Variants in ELMO3 observed in about 807,000 individuals in gnomAD.
ELMO3 encodes the protein engulfment and cell motility 3, also known as engulfment and cell motility protein 3.
In ELMO3, 81 loss-of-function variants were observed where a neutral mutation model predicts 89.0. That is an observed-to-expected ratio of 0.91 (90% CI 0.76 to 1.09). The LOEUF (loss-of-function observed/expected upper bound fraction) is 1.09, where lower values mean the gene tolerates loss of function less well. Among genes scored for constraint, ELMO3 ranks in the 50% least tolerant of loss-of-function variants. The probability of loss-of-function intolerance (pLI) is 0.00; values close to 1 mark genes in which losing one functional copy is unlikely to be tolerated. For missense variants in ELMO3, 959 were observed against 972.8 expected, an observed-to-expected ratio of 0.99 and a Z score of 0.19; for synonymous variants, 406 against 400.6, an observed-to-expected ratio of 1.01 and a Z score of -0.16.
Position 67,203,916 on chromosome 16 carries a change from A to G in ELMO3, c.*39A>G. The G allele has an allele frequency of 2.0e-6, 3 of 1,485,440 alleles. No homozygotes were observed. The highest frequency in any genetic ancestry group is 1.3e-5 in the South Asian group (1 of 76,506). The allele number at this position is 1,485,440 out of a possible 1,614,324, so 92.0% of individuals were successfully genotyped here. On this transcript the variant is annotated 3_prime_UTR_variant, in exon 20 of 20. Transcript: ENST00000393997. This position sits in a 1 kb window ranked among gnomAD's most constrained non-coding sequence, Gnocchi z 4.6. ...CATGGGCCACAGCTGCGGCCACTGC[A>G]GCAGCCATGAAGGGCAGTGGGTAGA... is the stretch of plus-strand genomic sequence containing the variant.
In ELMO3 at chr16:67,202,226, C is replaced by T. The variant is rs1163707664; in HGVS notation, c.1203C>T (p.Ala401=). ...AGGACAAGCACGAGTGCCCCTTTGC[C>T]CGGGGCAGCATCCAGCTGACGGTGC... ...SREDKHECPF[A]RGSIQLTVLL... The change falls in exon 13 of 20, where the codon GCC becomes GCT. Residue 401 remains alanine, a synonymous_variant. Transcript: ENST00000393997. The T allele has an allele frequency of 3.1e-6, 5 of 1,605,628 alleles. No homozygotes were observed. Among genetic ancestry groups the T allele is most frequent in the South Asian group, 2.2e-5 (2 of 90,598 alleles).
chr16:67,199,182 C>T lies in ELMO3; in HGVS notation c.-145C>T. 1.9e-6 allele frequency: 3 copies of T among 1,610,494 alleles called. No homozygotes were observed. The highest frequency in any genetic ancestry group is 2.5e-6 in the Non-Finnish European group (3 of 1,179,626). On this transcript the variant is annotated 5_prime_UTR_variant, in exon 1 of 20. Coordinates refer to ENST00000393997, the MANE Select transcript of ELMO3 (RefSeq NM_024712.5). ...GGCCGCGTTGCATGGCCAGGAGCAGCAGTCTGGGCCGCGAGTGCGGGACAC... is the reference window on the plus strand; with the variant it reads ...GGCCGCGTTGCATGGCCAGGAGCAGTAGTCTGGGCCGCGAGTGCGGGACAC...
chr16:67,201,786 G>A lies in ELMO3; in HGVS notation c.963G>A (p.Glu321=). ...QLQVLRQAAF[E]VEGESSGAGL... is the part of the protein sequence containing the mutation. The stretch of plus-strand genomic sequence containing the variant: ...AGGTCCTACGCCAGGCTGCCTTCGA[G>A]GTGGAGGGGGAGTCCTCGGGTGCCG... Residue 321 remains glutamate (E), a synonymous_variant, in exon 11 of 20, where the codon GAG becomes GAA. Transcript: ENST00000393997. 3.1e-6 allele frequency: 5 copies of A among 1,611,942 alleles called. No homozygotes were observed. Among genetic ancestry groups the A allele is most frequent in the Non-Finnish European group, 2.5e-6 (3 of 1,180,018 alleles).
Position 67,199,396 on chromosome 16 carries a change from C to T in ELMO3, c.70C>T (p.Leu24=), listed in dbSNP as rs1353535057. The T allele has an allele frequency of 6.2e-7, 1 of 1,607,240 alleles. No homozygotes were observed. Among genetic ancestry groups the T allele is most frequent in the African/African-American group, 1.3e-5 (1 of 75,026 alleles). ...MRDAIPQLIQ[L]DQAKPLAAVL... ...TGACGCCATCCCGCAGCTCATCCAGCTGGACCAGGTCACCCGGCTGGTCCC... is the reference window on the plus strand; with the variant it reads ...TGACGCCATCCCGCAGCTCATCCAGTTGGACCAGGTCACCCGGCTGGTCCC... Residue 24 remains leucine (L), a synonymous_variant, in exon 1 of 20, where the codon CTG becomes TTG. Transcript: ENST00000393997.
At position 67,200,804 on chromosome 16, in the gene ELMO3, C is replaced by G. The variant is rs372856258; in HGVS notation, c.661C>G (p.Gln221Glu). 1.7e-5 allele frequency: 28 copies of G among 1,612,942 alleles called. No individual in the cohort carries two copies. Among genetic ancestry groups the G allele is most frequent in the Non-Finnish European group, 2.3e-5 (27 of 1,179,708 alleles). ...VPLDRLLVHL[Q>E]VMNQQLQTKA... ...CCTGGATAGGCTGCTGGTGCACCTA[C>G]AGGTGTAAGCCTCTGGGGCTGGGGT... The change falls in exon 7 of 20, where the codon CAG becomes GAG. Residue 221 changes from glutamine (Q) to glutamate (E), a missense_variant. Coordinates refer to ENST00000393997, the MANE Select transcript of ELMO3 (RefSeq NM_024712.5).
Position 67,202,321 on chromosome 16 carries a change from CAG to C in ELMO3, c.1261+38_1261+39del, listed in dbSNP as rs906089014. ...GGACTGGGCACAGCATGGCCAAGAG[CAG>C]GGGACGGAAGGGCAGAGAGGGCCAG... On this transcript the variant is annotated intron_variant, in intron 13 of 19. Transcript: ENST00000393997. The C allele has an allele frequency of 1.9e-6, 3 of 1,613,204 alleles. No individual in the cohort carries two copies. The Admixed American group carries it at 5.0e-5, about 27-fold the overall frequency.
chr16:67,202,304 C>A lies in ELMO3; in HGVS notation c.1261+20C>A. 1 of 1,612,824 alleles carries A rather than the reference C, an allele frequency of 6.2e-7. No homozygotes were observed. The highest frequency in any genetic ancestry group is 8.5e-7 in the Non-Finnish European group (1 of 1,179,678). ...AGCCCTGTGAGTGGCCTGGACTGGG[C>A]ACAGCATGGCCAAGAGCAGGGGACG... is the stretch of plus-strand genomic sequence containing the variant. On this transcript the variant is annotated intron_variant, in intron 13 of 19. Transcript: ENST00000393997.
rs1224655402 is a variant in ELMO3, at chr16:67,203,640, C to T, written c.1951-25C>T. 3.7e-6 allele frequency: 6 copies of T among 1,613,664 alleles called. No individual in the cohort carries two copies. In the Admixed American group the frequency reaches 6.7e-5, roughly 18 times the overall value. On this transcript the variant is annotated intron_variant, in intron 19 of 19. Coordinates refer to ENST00000393997, the MANE Select transcript of ELMO3 (RefSeq NM_024712.5). This position sits in a 1 kb window ranked among gnomAD's most constrained non-coding sequence, Gnocchi z 4.6. ...GGGCAGGGGAGGCAGATGGGCAGAC[C>T]CTCACGGCTCTGTGCCACCCCCAGT...
chr16:67,201,286 T>C, intron 8 of ELMO3, 99 bp from the exon 9 acceptor site: 1 of 1,503,042 alleles, frequency 6.7e-7, no homozygotes, highest in Non-Finnish European at 9.1e-7. Flanking sequence ...CTCCATCTCC[T>C]GACCTCGTGA....
rs1204570594 is a variant in ELMO3, at chr16:67,203,403, G to A, written c.1857G>A (p.Gln619=). The change falls in exon 18 of 20, where the codon CAG becomes CAA. Residue 619 remains glutamine (Q), a synonymous_variant. Coordinates refer to ENST00000393997, the MANE Select transcript of ELMO3 (RefSeq NM_024712.5). This position sits in a 1 kb window ranked among gnomAD's most constrained non-coding sequence, Gnocchi z 4.6. ...TCCGGGAGAAGGGCTCCGGGAAGCA[G>A]AACAAGGTGAGTACAGCGGGCCAGG... ...PHVREKGSGK[Q]NKDLYELAFS... 3 of 1,612,506 alleles carry A rather than the reference G, an allele frequency of 1.9e-6. No individual in the cohort carries two copies. Among genetic ancestry groups the A allele is most frequent in the Non-Finnish European group, 2.5e-6 (3 of 1,179,610 alleles).
Position 67,202,079 on chromosome 16 carries a change from G to T in ELMO3, c.1152+1G>T. Reference sequence around the variant, plus strand: ...AAACGCGCCCAGCGCGTACAGCCGGGTCGGTGACAGGGTAGGGTGGGGGGG... The same window carrying T: ...AAACGCGCCCAGCGCGTACAGCCGGTTCGGTGACAGGGTAGGGTGGGGGGG... On this transcript the variant is annotated splice_donor_variant, in intron 12 of 19. Coordinates refer to ENST00000393997, the MANE Select transcript of ELMO3 (RefSeq NM_024712.5). LOFTEE classifies it high-confidence loss of function. 6.2e-7 allele frequency: 1 copy of T among 1,612,302 alleles called. No homozygotes were observed. The highest frequency in any genetic ancestry group is 8.5e-7 in the Non-Finnish European group (1 of 1,179,318).
chr16:67,202,356 A>G (rs766824511), intron 13 of ELMO3, 41 bp from the exon 14 acceptor site: 4 of 1,613,532 alleles, frequency 2.5e-6, no homozygotes, highest in South Asian at 1.1e-5. Flanking sequence ...CAGGGGCTGT[A>G]TGCACTTTCT....
Position 67,203,161 on chromosome 16 carries a change from T to G in ELMO3, c.1718T>G (p.Leu573Arg). 6.2e-7 allele frequency: 1 copy of G among 1,612,486 alleles called. No homozygotes were observed. ...FCCLSPNHKLLQYGDMEEGAS... is the reference protein window; with the variant it reads ...FCCLSPNHKLRQYGDMEEGAS... ...TGCCTGTCCCCCAACCACAAGCTGCTGCAGTACGGAGACATGGAGGAGGGC... is the reference window on the plus strand; with the variant it reads ...TGCCTGTCCCCCAACCACAAGCTGCGGCAGTACGGAGACATGGAGGAGGGC... Residue 573 changes from leucine to arginine, a missense_variant, in exon 17 of 20, where the codon CTG (leucine) becomes CGG (arginine). Physicochemically the swap from Leu to Arg is moderately radical, Grantham distance 102 (BLOSUM62 -2). Transcript: ENST00000393997. This position sits in a 1 kb window ranked among gnomAD's most constrained non-coding sequence, Gnocchi z 4.6.
Position 67,202,913 on chromosome 16 carries a change from G to A in ELMO3, c.1584G>A (p.Lys528=). ...PPILELREKL[K]PELMGLIRQQ... ...TCAGGGAGCTGCGGGAGAAGCTGAAGCCAGAGCTCATGGGCCTGATCCGCC... is the reference window on the plus strand; with the variant it reads ...TCAGGGAGCTGCGGGAGAAGCTGAAACCAGAGCTCATGGGCCTGATCCGCC... The change falls in exon 16 of 20, where the codon AAG becomes AAA. Residue 528 remains lysine (K), a synonymous_variant. Coordinates refer to ENST00000393997, the MANE Select transcript of ELMO3 (RefSeq NM_024712.5). 1 of 1,612,308 alleles carries A rather than the reference G, an allele frequency of 6.2e-7. No homozygotes were observed. Among genetic ancestry groups the A allele is most frequent in the East Asian group, 2.2e-5 (1 of 44,852 alleles).
chr16:67,202,662 T>C lies in ELMO3; in HGVS notation c.1434T>C (p.Thr478=). ...TGGTGCGGGAGCAGCTGGCCCGCAC[T>C]CTGGCCCTGAAGCCCACTTCCCTGG... ...MQVVREQLAR[T]LALKPTSLEL... Residue 478 remains threonine (T), a synonymous_variant, in exon 15 of 20, where the codon ACT becomes ACC. Coordinates refer to ENST00000393997, the MANE Select transcript of ELMO3 (RefSeq NM_024712.5). The C allele has an allele frequency of 6.2e-7, 1 of 1,613,662 alleles. No homozygotes were observed. The highest frequency in any genetic ancestry group is 8.5e-7 in the Non-Finnish European group (1 of 1,179,994).
At position 67,203,872 on chromosome 16, in the gene ELMO3, C is replaced by T; in HGVS notation, c.2158C>T (p.Pro720Ser). Residue 720 changes from proline (P) to serine (S), a missense_variant, in exon 20 of 20, where the codon CCT becomes TCT. By Grantham distance (74) the Pro-to-Ser change is moderately conservative (BLOSUM62 -1). Transcript: ENST00000393997. The surrounding 1 kb of genome is among the most constrained non-coding windows in gnomAD (Gnocchi z 4.6). Reference sequence around the variant, plus strand: ...CTGCTATGACTGCAGCATCGCTGAACCTTGACAGTGTGGCTGGCCATGGGC... The same window carrying T: ...CTGCTATGACTGCAGCATCGCTGAATCTTGACAGTGTGGCTGGCCATGGGC... ...NFCYDCSIAEP is the reference protein window; with the variant it reads ...NFCYDCSIAES 1 of 1,562,546 alleles carries T rather than the reference C, an allele frequency of 6.4e-7. No homozygotes were observed. The highest frequency in any genetic ancestry group is 1.7e-5 in the Admixed American group (1 of 57,526).
In ELMO3 at chr16:67,203,850, C is replaced by T. The variant is rs1399448235; in HGVS notation, c.2136C>T (p.Cys712=). Reference sequence around the variant, plus strand: ...CACCCCCCACCAACTTCAACTTCTGCTATGACTGCAGCATCGCTGAACCTT... The same window carrying T: ...CACCCCCCACCAACTTCAACTTCTGTTATGACTGCAGCATCGCTGAACCTT... The part of the protein sequence containing the change: ...VPPPPTNFNF[C]YDCSIAEP The change falls in exon 20 of 20, where the codon TGC becomes TGT. Residue 712 remains cysteine (C), a synonymous_variant. Transcript: ENST00000393997. The surrounding 1 kb of genome is among the most constrained non-coding windows in gnomAD (Gnocchi z 4.6). 4 of 1,595,694 alleles carry T rather than the reference C, an allele frequency of 2.5e-6. No individual in the cohort carries two copies. The East Asian group carries it at 9.0e-5, about 36-fold the overall frequency.
chr16:67,200,830 C>T (rs1201231348), intron 7 of ELMO3, 22 bp downstream of exon 7: 1 of 1,613,296 alleles, frequency 6.2e-7, no homozygotes, highest in East Asian at 2.2e-5. Context: ...GGGCTGGGGT[C>T]CAGATGCAGG....
chr16:67,202,069 G>T lies in ELMO3; in HGVS notation c.1143G>T (p.Ala381=). The part of the protein sequence containing the change: ...MLYFSRNAPS[A]YSRFVLENSS... The stretch of plus-strand genomic sequence containing the variant: ...ACTTCTCCAGAAACGCGCCCAGCGC[G>T]TACAGCCGGGTCGGTGACAGGGTAG... The change falls in exon 12 of 20, where the codon GCG becomes GCT. Residue 381 remains alanine (A), a synonymous_variant. Transcript: ENST00000393997. 1 of 1,325,876 alleles carries T rather than the reference G, an allele frequency of 7.5e-7. No individual in the cohort carries two copies. Among genetic ancestry groups the T allele is most frequent in the Non-Finnish European group, 1.0e-6 (1 of 959,390 alleles). 82.1% of individuals were successfully genotyped at this position (1,325,876 alleles called of 1,614,324 possible).
Sources: gnomAD v4.1 joint callset for allele counts on GRCh38, gnomAD v4.1.1 for gene constraint, Gnocchi (gnomAD v3.1) non-coding constraint, MANE v1.5 for transcripts, NCBI Gene and HGNC (gene_info 2026-07-23, HGNC 2026-07-21) for gene names.